CRPPA: variants seen among roughly 807,000 people sequenced by gnomAD.
The protein encoded by CRPPA is CDP-L-ribitol pyrophosphorylase A.
Under a neutral mutation model 52.0 loss-of-function variants are expected in CRPPA, and 43 were observed. The ratio of observed to expected loss-of-function variants is 0.83; its 90% CI spans 0.65 to 1.07. The LOEUF is 1.07. Among genes scored for constraint, CRPPA ranks in the 50% least tolerant of loss-of-function variants. The pLI is 0.00. For missense variants in CRPPA, 629 were observed against 551.7 expected, an observed-to-expected ratio of 1.14 and a Z score of -1.40; for synonymous variants, 250 against 203.5, an observed-to-expected ratio of 1.23 and a Z score of -1.94.
chr7:16,134,816 AAAT>A (rs1309342101), intron 9 of CRPPA, among the ~76,000 whole-genome samples: 2 of 152,250 alleles, frequency 1.3e-5, no homozygotes, highest in African/African-American at 4.8e-5. Context: ...TTAATTGTCA[AAAT>A]ATTAGAAATG....
intron 9 of CRPPA, among the ~76,000 whole-genome samples, chr7:16,109,107 T>A (rs1446064774): frequency 1.3e-5 from 2 of 151,800 alleles, no homozygotes; most frequent in African/African-American, 4.8e-5. Flanking sequence ...TATAAGAGAT[T>A]AGAGGACAAC....
At chr7:16,091,832 G>T in intron 9 of CRPPA, 33 bp from the exon 10 acceptor site, 2 of 1,246,856 alleles carry the variant, frequency 1.6e-6, no homozygotes, top group Non-Finnish European at 2.2e-6. Context: ...TAATATTTTA[G>T]AAAAAACATA....
chr7:16,286,411 A>G (rs911411997), intron 5 of CRPPA, among the ~76,000 whole-genome samples: 2 of 151,934 alleles, frequency 1.3e-5, no homozygotes, highest in African/African-American at 2.4e-5. Context: ...ATTCATATCT[A>G]TATCTCCTCT....
rs1785645565 is a variant in CRPPA, at chr7:16,335,104, G to C, written c.685-26477C>G. ...GGAGGCTGAGGCAGGAGAACTGCTT[G>C]AGTGCAGGAGTTCAAGACCAGCCTG... On this transcript the variant is annotated intron_variant, in intron 3 of 9. Coordinates refer to ENST00000407010, the MANE Select transcript of CRPPA (RefSeq NM_001101426.4). Among the ~76,000 whole-genome samples the C allele has an allele frequency of 2.3e-5, 3 of 128,564 alleles. No homozygotes were observed. The South Asian group carries it at 8.2e-4, about 35-fold the overall frequency. The allele number at this position is 128,564 out of a possible 152,430, so 84.3% of individuals were successfully genotyped here.
intron 9 of CRPPA, among the ~76,000 whole-genome samples, chr7:16,155,235 C>T (rs1162909195): frequency 2.6e-5 from 4 of 152,156 alleles, no homozygotes; most frequent in Admixed American, 6.5e-5. Context: ...AAATAGTCTA[C>T]ATACATCAAT....
chr7:16,145,298 G>C (rs566987849), intron 9 of CRPPA, among the ~76,000 whole-genome samples: 38 of 152,086 alleles, frequency 2.5e-4, no homozygotes, highest in Non-Finnish European at 4.3e-4. Flanking sequence ...ACAACCATAG[G>C]ACCCCACTCC....
intron 3 of CRPPA, among the ~76,000 whole-genome samples, chr7:16,332,630 G>A (rs529379711): frequency 6.6e-6 from 1 of 152,088 alleles, no homozygotes; most frequent in East Asian, 1.9e-4. Context: ...AAAACTGAAA[G>A]AATGTAATGG....
intron 3 of CRPPA, among the ~76,000 whole-genome samples, chr7:16,359,452 C>T (rs1786386786): frequency 6.6e-6 from 1 of 152,198 alleles, no homozygotes; most frequent in Non-Finnish European, 1.5e-5. Context: ...TACTGGTGTG[C>T]ATAGCTCTTG....
At chr7:16,143,647 G>C (rs1262277476) in intron 9 of CRPPA, among the ~76,000 whole-genome samples, 1 of 152,160 alleles carries the variant, frequency 6.6e-6, no homozygotes, top group Non-Finnish European at 1.5e-5. Context: ...TATGTATAAA[G>C]CACTAGTGTA....
intron 8 of CRPPA, among the ~76,000 whole-genome samples, chr7:16,249,994 G>C (rs1783399385): frequency 6.6e-6 from 1 of 152,168 alleles, no homozygotes; most frequent in Non-Finnish European, 1.5e-5. Context: ...AAAAAGGTTA[G>C]ACAAATAGCT....
At chr7:16,282,290 T>A (rs1784335852) in intron 5 of CRPPA, among the ~76,000 whole-genome samples, 1 of 152,140 alleles carries the variant, frequency 6.6e-6, no homozygotes, top group South Asian at 2.1e-4. Flanking sequence ...TCGCTTTCAT[T>A]TAGAATCATA....
intron 9 of CRPPA, among the ~76,000 whole-genome samples, chr7:16,213,413 T>A (rs902408902): frequency 6.7e-6 from 1 of 150,230 alleles, no homozygotes; most frequent in Non-Finnish European, 1.5e-5. Flanking sequence ...GGGGACTTAT[T>A]TATAATAATT....
At chr7:16,404,596 A>G (rs1449064279) in intron 2 of CRPPA, among the ~76,000 whole-genome samples, 6 of 151,582 alleles carry the variant, frequency 4.0e-5, no homozygotes, top group African/African-American at 1.5e-4. Context: ...GCTTAAGTGA[A>G]TTTTCCAAAA....
At chr7:16,377,984 G>A (rs1337657550) in intron 2 of CRPPA, among the ~76,000 whole-genome samples, 1 of 152,076 alleles carries the variant, frequency 6.6e-6, no homozygotes, top group Non-Finnish European at 1.5e-5. Flanking sequence ...TAAAAGACCA[G>A]AGTCTTCTAC....
At chr7:16,387,666 A>G (rs374986964) in intron 2 of CRPPA, among the ~76,000 whole-genome samples, 2 of 152,218 alleles carry the variant, frequency 1.3e-5, no homozygotes, top group African/African-American at 4.8e-5. Flanking sequence ...GCAAATATGA[A>G]CAAAGCTGAA....
rs182392282 is a variant in CRPPA, at chr7:16,143,068, G to A, written c.1252-51269C>T. On this transcript the variant is annotated intron_variant, in intron 9 of 9. Transcript: ENST00000407010. Reference sequence around the variant, plus strand: ...ATTTTATCGTCTTGTATTTGGCTGAGTTATTGCAAACAAGGTACTGAGAAC... The same window carrying A: ...ATTTTATCGTCTTGTATTTGGCTGAATTATTGCAAACAAGGTACTGAGAAC... 6.0e-4 allele frequency among the ~76,000 whole-genome samples: 91 copies of A among 152,348 alleles called. 1 individual carries two copies. Among genetic ancestry groups the A allele is most frequent in the Admixed American group, 5.2e-3 (79 of 15,304 alleles).
chr7:16,348,937 G>T (rs10277459), intron 3 of CRPPA, among the ~76,000 whole-genome samples: 3,216 of 152,268 alleles, frequency 0.021, 106 homozygotes, highest in African/African-American at 0.072. Flanking sequence ...TTGTATTCCT[G>T]AATAGTCCTA....
chr7:16,318,692 C>G (rs770530558), intron 3 of CRPPA, among the ~76,000 whole-genome samples: 1 of 152,054 alleles, frequency 6.6e-6, no homozygotes, highest in African/African-American at 2.4e-5. Flanking sequence ...TTCCTTAAGG[C>G]AATAAAAGTA....
intron 6 of CRPPA, among the ~76,000 whole-genome samples, chr7:16,268,067 T>C (rs552596317): frequency 1.3e-5 from 2 of 152,154 alleles, no homozygotes; most frequent in South Asian, 2.1e-4. Context: ...GGGACAACTG[T>C]ATATAGAAGT....
Sources: allele counts gnomAD v4.1 joint callset (sites outside exome capture counted in the v4.1 genomes callset), GRCh38; gene constraint gnomAD v4.1.1; transcripts MANE v1.5; gene names NCBI Gene and HGNC (gene_info 2026-07-23, HGNC 2026-07-21).